The following ADGRV1 variants were observed in gnomAD, a reference collection of about 807,000 sequenced individuals.
ADGRV1 encodes the protein G-protein coupled receptor 98.
ADGRV1 carries 359 observed loss-of-function variants against 596.2 expected under a neutral mutation model. That is an observed-to-expected ratio of 0.60 (90% confidence interval 0.55 to 0.66). The LOEUF is 0.66. Among genes scored for constraint, ADGRV1 ranks in the 30% least tolerant of loss-of-function variants. ADGRV1 has a pLI of 0.00. For missense variants in ADGRV1, 7,274 were observed against 7,575.6 expected, an observed-to-expected ratio of 0.96 and a Z score of 1.48; for synonymous variants, 2,681 against 2,679.2, an observed-to-expected ratio of 1.00 and a Z score of -0.02.
At chr5:90,921,416 C>T (rs1479929004) in intron 83 of ADGRV1, among the ~76,000 whole-genome samples, 3 of 152,084 alleles carry the variant, frequency 2.0e-5, no homozygotes, top group East Asian at 3.9e-4. Context: ...TATTCCCTGC[C>T]GCATCTGGCT....
Position 91,163,793 on chromosome 5 carries a change from A to T in ADGRV1, c.18814A>T (p.Ser6272Cys). The T allele has an allele frequency of 6.6e-7, 1 of 1,519,384 alleles. No homozygotes were observed. The highest frequency in any genetic ancestry group is 9.0e-7 in the Non-Finnish European group (1 of 1,105,212). The allele number at this position is 1,519,384 out of a possible 1,614,324, so 94.1% of individuals were successfully genotyped here. ...TATTTCTGTGGCAGGTGCTGGTCTCAGTGTCAGTGATAATGAATCTGGTCA... is the reference window on the plus strand; with the variant it reads ...TATTTCTGTGGCAGGTGCTGGTCTCTGTGTCAGTGATAATGAATCTGGTCA... The part of the protein sequence containing the change: ...IFALKTGAGL[S>C]VSDNESGQGS... Residue 6272 changes from serine (S) to cysteine (C), a missense_variant, in exon 90 of 90, where the codon AGT (serine) becomes TGT (cysteine). Around this residue, in one of 5 missense-constraint regions of ADGRV1, gnomAD observed 1,874 missense variants for 1,970.2 expected, o/e 0.95. Coordinates refer to ENST00000405460, the MANE Select transcript of ADGRV1 (RefSeq NM_032119.4).
chr5:90,614,936 G>T lies in ADGRV1; in HGVS notation c.124G>T (p.Val42Phe). ...EIRFTGQTEFVVNETSTTVIR... is the reference protein window; with the variant it reads ...EIRFTGQTEFFVNETSTTVIR... ...AAGATTTACTGGACAAACTGAATTT[G>T]TTGTTAATGAAACAAGTACAACAGT... is the stretch of plus-strand genomic sequence containing the variant. The change falls in exon 2 of 90, where the codon GTT becomes TTT. Residue 42 changes from valine to phenylalanine, a missense_variant. Transcript: ENST00000405460. 1 of 1,599,040 alleles carries T rather than the reference G, an allele frequency of 6.3e-7. No homozygotes were observed. Among genetic ancestry groups the T allele is most frequent in the East Asian group, 2.2e-5 (1 of 44,550 alleles).
In ADGRV1 at chr5:90,917,849, C is replaced by G. The variant is rs534318331; in HGVS notation, c.17857-47566C>G. Among the ~76,000 whole-genome samples, 218 of 152,074 alleles carry G rather than the reference C, an allele frequency of 1.4e-3. 1 individual carries two copies. The highest frequency in any genetic ancestry group is 8.1e-3 in the South Asian group (39 of 4,808). On this transcript the variant is annotated intron_variant, in intron 83 of 89. Coordinates refer to ENST00000405460, the MANE Select transcript of ADGRV1 (RefSeq NM_032119.4). ...TCTCCCTCTTCCTCTGTCATTTGTACCATCATCATCTTCATCATCATCACC... is the reference window on the plus strand; with the variant it reads ...TCTCCCTCTTCCTCTGTCATTTGTAGCATCATCATCTTCATCATCATCACC...
At chr5:90,841,670 G>C (rs1561833705) in intron 78 of ADGRV1, among the ~76,000 whole-genome samples, 1 of 151,956 alleles carries the variant, frequency 6.6e-6, no homozygotes, top group Non-Finnish European at 1.5e-5. Flanking sequence ...TTTACTTTGG[G>C]CTTTCTTATC....
chr5:90,578,045 A>G (rs181156473), intron 1 of ADGRV1, among the ~76,000 whole-genome samples: 3 of 152,350 alleles, frequency 2.0e-5, no homozygotes, highest in East Asian at 3.9e-4. Flanking sequence ...ATATACAATC[A>G]TGTCATCTGC....
chr5:90,605,425 A>G (rs998193711), intron 1 of ADGRV1, among the ~76,000 whole-genome samples: 32 of 152,028 alleles, frequency 2.1e-4, no homozygotes, highest in Admixed American at 1.2e-3. Flanking sequence ...AAAAAAAAAA[A>G]AAAAGATAAA....
At position 90,771,234 on chromosome 5, in the gene ADGRV1, T is replaced by A. The variant is rs374370644; in HGVS notation, c.12286-2952T>A. ...ATTATTTTCCTCTCCTTTACTATCT[T>A]CGCAATCTTGGTTCTCTTGAGATAT... On this transcript the variant is annotated intron_variant, in intron 59 of 89. Transcript: ENST00000405460. Among the ~76,000 whole-genome samples, 401 of 152,242 alleles carry A rather than the reference T, an allele frequency of 2.6e-3. 4 individuals are homozygous for A. The highest frequency in any genetic ancestry group is 9.2e-3 in the African/African-American group (383 of 41,560).
intron 70 of ADGRV1, among the ~76,000 whole-genome samples, chr5:90,796,256 G>T (rs575720703): frequency 3.9e-5 from 6 of 152,224 alleles, no homozygotes; most frequent in African/African-American, 1.4e-4. Context: ...TTGCTAACTA[G>T]AATAACCAGT....
chr5:90,584,099 A>G (rs1448517321), intron 1 of ADGRV1, among the ~76,000 whole-genome samples: 3 of 152,206 alleles, frequency 2.0e-5, no homozygotes, highest in Non-Finnish European at 4.4e-5. Flanking sequence ...CAATGGGCAT[A>G]CTAATAGTAC....
intron 16 of ADGRV1, among the ~76,000 whole-genome samples, chr5:90,647,272 G>A (rs1317143365): frequency 2.6e-5 from 4 of 152,140 alleles, no homozygotes; most frequent in South Asian, 2.1e-4. Context: ...TGAGAAATTC[G>A]ATGTTGAAGA....
chr5:90,693,988 A>G lies in ADGRV1; in HGVS notation c.7232A>G (p.Tyr2411Cys), dbSNP rs2149639412. The G allele has an allele frequency of 1.9e-6, 3 of 1,613,468 alleles. No homozygotes were observed. The highest frequency in any genetic ancestry group is 1.1e-5 in the South Asian group (1 of 91,014). Residue 2411 changes from tyrosine (Y) to cysteine (C), a missense_variant, in exon 33 of 90, where the codon TAT becomes TGT. Tyr to Cys is a radical substitution (Grantham distance 194, BLOSUM62 -2). Coordinates refer to ENST00000405460, the MANE Select transcript of ADGRV1 (RefSeq NM_032119.4). ...GAAGGTCAAGATTTACTGTCCTACT[A>G]TGAATCTCCAATTCAAGGGGTGCCT... ...MEEGQDLLSY[Y>C]ESPIQGVPDP...
chr5:90,682,670 T>C (rs1745100081), intron 27 of ADGRV1, among the ~76,000 whole-genome samples: 1 of 152,046 alleles, frequency 6.6e-6, no homozygotes, highest in South Asian at 2.1e-4. Flanking sequence ...TTAGAAAGGA[T>C]AACTAATGAC....
chr5:91,079,816 T>C (rs920756477), intron 86 of ADGRV1, among the ~76,000 whole-genome samples: 1 of 152,180 alleles, frequency 6.6e-6, no homozygotes, highest in African/African-American at 2.4e-5. Flanking sequence ...ACTAAACTAT[T>C]ATGTTTAATT....
chr5:90,750,850 G>A (rs916934031), intron 53 of ADGRV1, among the ~76,000 whole-genome samples, 153 bp downstream of exon 53: 1 of 152,106 alleles, frequency 6.6e-6, no homozygotes, highest in African/African-American at 2.4e-5. Context: ...ACAATTTAAG[G>A]TTAGTTTTCT....
chr5:90,703,287 C>T (rs1033707209), intron 34 of ADGRV1, among the ~76,000 whole-genome samples: 111 of 151,986 alleles, frequency 7.3e-4, no homozygotes, highest in African/African-American at 2.4e-3. Flanking sequence ...GGATTTGTGC[C>T]CTTTTGAAAA....
chr5:91,156,180 CAG>C (rs1299040207), intron 89 of ADGRV1, among the ~76,000 whole-genome samples: 1 of 151,800 alleles, frequency 6.6e-6, no homozygotes, highest in East Asian at 1.9e-4. Context: ...TGCATCAGCA[CAG>C]AGATGATATT....
intron 83 of ADGRV1, among the ~76,000 whole-genome samples, chr5:90,905,512 T>C (rs1364260529): frequency 6.6e-6 from 1 of 152,078 alleles, no homozygotes; most frequent in African/African-American, 2.4e-5. Context: ...TGGGATTACT[T>C]TTGTGTTTCT....
chr5:90,655,445 A>G (rs1008105476), intron 20 of ADGRV1: 4 of 152,084 alleles, frequency 2.6e-5, no homozygotes, highest in Non-Finnish European at 4.4e-5. Context: ...GCTACTTTCA[A>G]TTTCTGTTTT....
At chr5:90,927,166 T>C (rs1451509183) in intron 83 of ADGRV1, among the ~76,000 whole-genome samples, 12 of 150,730 alleles carry the variant, frequency 8.0e-5, no homozygotes, top group African/African-American at 2.7e-4. Context: ...GGTGCAGAGC[T>C]GAGTTCAATT....
Sources: allele counts gnomAD v4.1 joint callset (sites outside exome capture counted in the v4.1 genomes callset), GRCh38; gene constraint gnomAD v4.1.1; regional missense constraint gnomAD v4.1.1; transcripts MANE v1.5; gene names NCBI Gene and HGNC (gene_info 2026-07-23, HGNC 2026-07-21).